WSCD2: variants seen among roughly 807,000 people sequenced by gnomAD.
WSCD2 encodes the protein sialate:O-sulfotransferase 2.
A neutral mutation model predicts 55.7 loss-of-function variants in WSCD2; 28 were observed. That is an observed-to-expected ratio of 0.50 (90% CI 0.37 to 0.69). The LOEUF (loss-of-function observed/expected upper bound fraction) is 0.69. WSCD2 is among the 30% of genes least tolerant of loss of function. The pLI is 0.00. For synonymous variants in WSCD2, 301 were observed against 301.9 expected (o/e 1.00, Z 0.03); for missense variants, 616 against 762.1 (o/e 0.81, Z 2.26).
chr12:108,247,481 G>T (rs1000008605), intron 8 of WSCD2, among the ~76,000 whole-genome samples: 1 of 152,116 alleles, frequency 6.6e-6, no homozygotes, highest in African/African-American at 2.4e-5. Context: ...GAATATTCCA[G>T]GGAGAAACAG....
rs116214374 is a variant in WSCD2, at chr12:108,159,609, T to A, written c.-552+29683T>A. Among the ~76,000 whole-genome samples the A allele has an allele frequency of 8.8e-3, 1,348 of 152,354 alleles. 26 individuals carry two copies. The highest frequency in any genetic ancestry group is 0.031 in the African/African-American group (1,276 of 41,584). ...TCTCATAGAATGATGAATGGCCATC[T>A]TGCTGAAACAAATGAGCTAGTGATG... On this transcript the variant is annotated intron_variant, in intron 1 of 8. Transcript: ENST00000547525.
At chr12:108,224,891 G>T in intron 5 of WSCD2, 31 bp downstream of exon 5, 1 of 1,606,814 alleles carries the variant, frequency 6.2e-7, no homozygotes. Context: ...ATGGAACTCA[G>T]GGGGAGGGAA....
chr12:108,159,946 G>T (rs1878895317), intron 1 of WSCD2, among the ~76,000 whole-genome samples: 1 of 152,206 alleles, frequency 6.6e-6, no homozygotes. Flanking sequence ...CCCCTGTGCT[G>T]AGACAAAGGG....
intron 1 of WSCD2, among the ~76,000 whole-genome samples, chr12:108,156,538 C>T (rs151208862): frequency 3.9e-5 from 6 of 152,180 alleles, no homozygotes; most frequent in South Asian, 2.1e-4. Flanking sequence ...TGAAATCCTA[C>T]GTTGTCTATA....
intron 1 of WSCD2, among the ~76,000 whole-genome samples, chr12:108,150,242 G>A (rs1006633110): frequency 6.6e-6 from 1 of 152,160 alleles, no homozygotes; most frequent in Non-Finnish European, 1.5e-5. Context: ...TTTGACTGAT[G>A]CCAAAGGCTG....
chr12:108,150,744 A>T (rs561067144), intron 1 of WSCD2, among the ~76,000 whole-genome samples: 1 of 152,190 alleles, frequency 6.6e-6, no homozygotes, highest in Admixed American at 6.5e-5. Flanking sequence ...CCCTGCCCGG[A>T]TACGACTGCC....
At chr12:108,183,480 C>T (rs1882067142) in intron 1 of WSCD2, among the ~76,000 whole-genome samples, 1 of 152,160 alleles carries the variant, frequency 6.6e-6, no homozygotes, top group African/African-American at 2.4e-5. Context: ...CTCCTGGCAC[C>T]TTCTCTGTGG....
At chr12:108,200,799 G>T (rs1247263286) in intron 2 of WSCD2, among the ~76,000 whole-genome samples, 2 of 152,164 alleles carry the variant, frequency 1.3e-5, no homozygotes. Context: ...AAGCATATAG[G>T]TGAGCTTAGT....
Position 108,176,800 on chromosome 12 carries a change from TG to T in WSCD2, c.-551-18481del, listed in dbSNP as rs1453870946. Among the ~76,000 whole-genome samples the T allele has an allele frequency of 2.7e-3, 283 of 104,812 alleles. 1 individual carries two copies. Among genetic ancestry groups the T allele is most frequent in the African/African-American group, 7.2e-3 (262 of 36,222 alleles). 68.8% of individuals were successfully genotyped at this position (104,812 alleles called of 152,430 possible). ...CTCTCCAGCACTTGGGATTAGTTTTTGTTTTTTGTTTTTGTTTTTTTTTATT... is the reference window on the plus strand; with the variant it reads ...CTCTCCAGCACTTGGGATTAGTTTTTTTTTTTGTTTTTGTTTTTTTTTATT... On this transcript the variant is annotated intron_variant, in intron 1 of 8. Coordinates refer to ENST00000547525, the MANE Select transcript of WSCD2 (RefSeq NM_014653.4).
intron 1 of WSCD2, among the ~76,000 whole-genome samples, chr12:108,142,622 G>A (rs1003246636): frequency 6.6e-6 from 1 of 152,168 alleles, no homozygotes; most frequent in Non-Finnish European, 1.5e-5. Flanking sequence ...GGTTGTAGGT[G>A]ACAGAAAACC....
rs1566003821 is a variant in WSCD2 at position 108,248,645 on chromosome 12, C to A, written c.*302C>A. Reference sequence around the variant, plus strand: ...GTCCCTGCCCCCACCACTCTGGGTTCCATTTGTGGGAGGGAGGGCTCATCC... The same window carrying A: ...GTCCCTGCCCCCACCACTCTGGGTTACATTTGTGGGAGGGAGGGCTCATCC... On this transcript the variant is annotated 3_prime_UTR_variant, in exon 9 of 9. Transcript: ENST00000547525. This position sits in a 1 kb window ranked among gnomAD's most constrained non-coding sequence, Gnocchi z 4.3. 2.7e-6 allele frequency: 3 copies of A among 1,114,530 alleles called. No individual in the cohort carries two copies. The highest frequency in any genetic ancestry group is 3.3e-6 in the Non-Finnish European group (3 of 908,946). The allele number at this position is 1,114,530 out of a possible 1,614,324, so 69.0% of individuals were successfully genotyped here.
intron 1 of WSCD2, among the ~76,000 whole-genome samples, chr12:108,157,281 T>A (rs1878617779): frequency 2.0e-5 from 3 of 152,188 alleles, no homozygotes; most frequent in Non-Finnish European, 4.4e-5. Context: ...GACCATCTGG[T>A]CTTAGTGAGG....
At chr12:108,224,318 A>C (rs1887844507) in intron 4 of WSCD2, among the ~76,000 whole-genome samples, 1 of 152,110 alleles carries the variant, frequency 6.6e-6, no homozygotes, top group Non-Finnish European at 1.5e-5. Flanking sequence ...ACAGCCCCAG[A>C]ATCCTTGCTT....
chr12:108,210,054 T>G lies in WSCD2; in HGVS notation c.498-67T>G. 8 of 1,594,838 alleles carry G rather than the reference T, an allele frequency of 5.0e-6. No individual in the cohort carries two copies. Among genetic ancestry groups the G allele is most frequent in the Non-Finnish European group, 6.0e-6 (7 of 1,164,886 alleles). The stretch of plus-strand genomic sequence containing the variant: ...AGCCCTCCCATCCCCCAGGTCTCCA[T>G]GTTGTGTCTCCCTGCCTCGGGGTCT... On this transcript the variant is annotated intron_variant, in intron 3 of 8. Coordinates refer to ENST00000547525, the MANE Select transcript of WSCD2 (RefSeq NM_014653.4). This position sits in a 1 kb window ranked among gnomAD's most constrained non-coding sequence, Gnocchi z 4.3.
At chr12:108,139,052 G>T (rs1876511350) in intron 1 of WSCD2, among the ~76,000 whole-genome samples, 1 of 152,212 alleles carries the variant, frequency 6.6e-6, no homozygotes, top group South Asian at 2.1e-4. Flanking sequence ...GAGAATGAAT[G>T]AATGAGTGTT....
intron 1 of WSCD2, among the ~76,000 whole-genome samples, chr12:108,144,489 G>A (rs997750951): frequency 7.9e-5 from 12 of 152,198 alleles, no homozygotes; most frequent in African/African-American, 2.9e-4. Flanking sequence ...TGCAGAGGCT[G>A]AGAAGGTAAT....
At chr12:108,223,195 G>A (rs1287158222) in intron 4 of WSCD2, among the ~76,000 whole-genome samples, 1 of 152,182 alleles carries the variant, frequency 6.6e-6, no homozygotes, top group Non-Finnish European at 1.5e-5. Context: ...TACCTTCATA[G>A]CAACATCTAG....
intron 1 of WSCD2, among the ~76,000 whole-genome samples, chr12:108,159,536 T>C (rs1314656008): frequency 6.6e-6 from 1 of 152,256 alleles, no homozygotes; most frequent in African/African-American, 2.4e-5. Flanking sequence ...TGCTCATCTC[T>C]GCATCCCCAG....
chr12:108,232,639 AAGTGGCAGGGGTGTG>A, intron 6 of WSCD2, 77 bp from the exon 7 acceptor site: 1 of 1,283,858 alleles, frequency 7.8e-7, no homozygotes, highest in Non-Finnish European at 1.1e-6. Flanking sequence ...CCTGGCTGAG[AAGTGGCAGGGGTGTG>A]ACTCATACCC....
Sources: gnomAD v4.1 joint callset for allele counts (sites outside exome capture counted in the v4.1 genomes callset) on GRCh38, gnomAD v4.1.1 for gene constraint, Gnocchi (gnomAD v3.1) non-coding constraint, MANE v1.5 for transcripts, NCBI Gene and HGNC (gene_info 2026-07-23, HGNC 2026-07-21) for gene names.